The following SGCD variants were observed in gnomAD, a reference collection of about 807,000 sequenced individuals.
SGCD encodes the protein delta-sarcoglycan.
A neutral mutation model predicts 36.6 loss-of-function variants in SGCD; 18 were observed. That is an observed-to-expected ratio of 0.49 (90% confidence interval 0.34 to 0.73). SGCD has a LOEUF of 0.73. Ranked by LOEUF, SGCD falls within the 30% of genes least tolerant of loss-of-function variation. The probability of loss-of-function intolerance (pLI) is 0.01; values close to 1 mark genes in which losing one functional copy is unlikely to be tolerated. For synonymous variants in SGCD, 133 were observed against 130.6 expected, an observed-to-expected ratio of 1.02 and a Z score of -0.12; for missense variants, 387 against 346.7, an observed-to-expected ratio of 1.12 and a Z score of -0.92.
rs559483068 is a variant in SGCD, at chr5:156,488,098, GTT to G, written c.193-20478_193-20477del. Among the ~76,000 whole-genome samples the G allele has an allele frequency of 5.3e-3, 489 of 92,526 alleles. 10 individuals are homozygous for G. The highest frequency in any genetic ancestry group is 0.023 in the South Asian group (61 of 2,624). The allele number at this position is 92,526 out of a possible 152,430, so 60.7% of individuals were successfully genotyped here. On this transcript the variant is annotated intron_variant, in intron 3 of 8. Transcript: ENST00000337851. ...AAAGAACTTCTGAACTTGAAGACAG[GTT>G]TTTTTTTTTTTTTTTTTTTTTTTTA...
chr5:156,450,309 A>T (rs111795556), intron 3 of SGCD, among the ~76,000 whole-genome samples: 1 of 152,058 alleles, frequency 6.6e-6, no homozygotes, highest in Admixed American at 6.6e-5. Flanking sequence ...CAGAGCTAGG[A>T]AACAAAAATG....
intron 3 of SGCD, among the ~76,000 whole-genome samples, chr5:156,398,150 C>A (rs62380750): frequency 1.3e-5 from 2 of 152,046 alleles, no homozygotes; most frequent in African/African-American, 4.8e-5. Context: ...GTGTCATCTG[C>A]GAGACCTGAC....
intron 3 of SGCD, among the ~76,000 whole-genome samples, chr5:156,243,975 G>C (rs925625997): frequency 6.6e-6 from 1 of 152,016 alleles, no homozygotes; most frequent in Non-Finnish European, 1.5e-5. Flanking sequence ...CTTATTTCAC[G>C]GTACCTCTCC....
chr5:156,694,809 A>G (rs991729122), intron 7 of SGCD, among the ~76,000 whole-genome samples: 2 of 152,100 alleles, frequency 1.3e-5, no homozygotes, highest in African/African-American at 4.8e-5. Context: ...GGAATGTGTC[A>G]TCTTTATGCC....
intron 4 of SGCD, among the ~76,000 whole-genome samples, chr5:156,579,120 C>T (rs1209711837): frequency 6.6e-6 from 1 of 152,094 alleles, no homozygotes; most frequent in African/African-American, 2.4e-5. Flanking sequence ...TGTCTTTGTT[C>T]TCATTGGTTT....
At chr5:155,850,811 A>G in the SGCD span, among the ~76,000 whole-genome samples, 21 of 152,180 alleles carry the variant, frequency 1.4e-4, no homozygotes, top group African/African-American at 4.3e-4. Flanking sequence ...ATTCTGGGAG[A>G]TACAAAGATG....
intron 3 of SGCD, among the ~76,000 whole-genome samples, chr5:156,464,807 C>T (rs1236534007): frequency 6.6e-6 from 1 of 152,074 alleles, no homozygotes; most frequent in Non-Finnish European, 1.5e-5. Context: ...AACGTAATGA[C>T]ATTTAGGAGT....
At chr5:156,683,131 G>A (rs1432117037) in intron 7 of SGCD, among the ~76,000 whole-genome samples, 8 of 152,196 alleles carry the variant, frequency 5.3e-5, no homozygotes, top group Non-Finnish European at 1.0e-4. Context: ...ACAGATGTCC[G>A]AGATATATAG....
chr5:156,166,501 T>C (rs1421283378), intron 3 of SGCD, among the ~76,000 whole-genome samples: 1 of 152,184 alleles, frequency 6.6e-6, no homozygotes, highest in Non-Finnish European at 1.5e-5. Flanking sequence ...TTTGTATTTT[T>C]GGTAGAGACA....
chr5:156,406,091 T>C (rs1772388602), intron 3 of SGCD, among the ~76,000 whole-genome samples: 1 of 148,474 alleles, frequency 6.7e-6, no homozygotes, highest in South Asian at 2.1e-4. Context: ...CAGCAGCTGG[T>C]CCGTGGCATT....
intron 1 of SGCD, among the ~76,000 whole-genome samples, chr5:156,031,253 A>T (rs1490254447): frequency 6.6e-6 from 1 of 152,196 alleles, no homozygotes; most frequent in African/African-American, 2.4e-5. Context: ...TTCTCAGGTG[A>T]TATTGATGCT....
intron 6 of SGCD, among the ~76,000 whole-genome samples, chr5:156,624,416 C>G (rs1455198929): frequency 6.6e-6 from 1 of 151,994 alleles, no homozygotes; most frequent in Non-Finnish European, 1.5e-5. Context: ...CTCATCTGTA[C>G]TAAAAATACA....
chr5:156,076,026 C>T (rs1174832752), intron 1 of SGCD, among the ~76,000 whole-genome samples: 1 of 152,038 alleles, frequency 6.6e-6, no homozygotes, highest in Non-Finnish European at 1.5e-5. Context: ...GTGAAAAATA[C>T]TGTAGACTAG....
At chr5:156,087,790 C>T (rs1761138870) in intron 1 of SGCD, among the ~76,000 whole-genome samples, 1 of 152,176 alleles carries the variant, frequency 6.6e-6, no homozygotes, top group South Asian at 2.1e-4. Flanking sequence ...CAGATGACAT[C>T]ATCCAGACCC....
At chr5:155,844,292 T>C in the SGCD span, among the ~76,000 whole-genome samples, 1 of 152,168 alleles carries the variant, frequency 6.6e-6, no homozygotes, top group Non-Finnish European at 1.5e-5. Flanking sequence ...ATAAAACTTA[T>C]ATTGTGTTAT....
chr5:156,010,173 T>G (rs1279406697), intron 1 of SGCD, among the ~76,000 whole-genome samples: 5 of 152,158 alleles, frequency 3.3e-5, no homozygotes, highest in Non-Finnish European at 7.3e-5. Context: ...TTAGATGGAG[T>G]GAAAAAGTGG....
intron 1 of SGCD, among the ~76,000 whole-genome samples, chr5:156,010,943 A>G (rs1758848181): frequency 6.6e-6 from 1 of 152,220 alleles, no homozygotes; most frequent in South Asian, 2.1e-4. Flanking sequence ...GCTCATTCAC[A>G]TAACTTCATT....
intron 7 of SGCD, among the ~76,000 whole-genome samples, chr5:156,681,968 G>C (rs1274258166): frequency 6.6e-6 from 1 of 152,086 alleles, no homozygotes; most frequent in Admixed American, 6.6e-5. Flanking sequence ...TTATTTAATT[G>C]AGGGCCAGCA....
chr5:155,925,209 A>G (rs1373875371), intron 1 of SGCD, among the ~76,000 whole-genome samples: 1 of 152,226 alleles, frequency 6.6e-6, no homozygotes, highest in African/African-American at 2.4e-5. Flanking sequence ...CTTTCAGATT[A>G]CTGAGCTCCT....
Sources: gnomAD v4.1 joint callset for allele counts (sites outside exome capture counted in the v4.1 genomes callset) on GRCh38, gnomAD v4.1.1 for gene constraint, MANE v1.5 for transcripts, NCBI Gene and HGNC (gene_info 2026-07-23, HGNC 2026-07-21) for gene names.